Variants in LYN observed in about 807,000 individuals in gnomAD.
LYN encodes the protein LYN proto-oncogene, Src family tyrosine kinase.
A neutral mutation model predicts 65.0 loss-of-function variants in LYN; 12 were observed. The ratio of observed to expected loss-of-function variants is 0.18; its 90% CI spans 0.12 to 0.30. LYN has a LOEUF of 0.30. Ranked by LOEUF, LYN falls within the 10% of genes least tolerant of loss-of-function variation. The pLI, the probability that LYN is intolerant of heterozygous loss-of-function variation, is 1.00. For synonymous variants in LYN, 222 were observed against 221.2 expected, an observed-to-expected ratio of 1.00 and a Z score of -0.03; for missense variants, 380 against 623.2, an observed-to-expected ratio of 0.61 and a Z score of 4.16.
chr8:55,885,902 G>C (rs1804777588), intron 1 of LYN, among the ~76,000 whole-genome samples: 1 of 138,172 alleles, frequency 7.2e-6, no homozygotes, highest in African/African-American at 2.6e-5. Context: ...TTTCCTCGGG[G>C]TTCTTTCTAC....
chr8:55,947,550 C>CT, intron 3 of LYN, 68 bp from the exon 4 acceptor site: 1 of 1,078,934 alleles, frequency 9.3e-7, no homozygotes, highest in African/African-American at 1.6e-5. Flanking sequence ...TCCTTTGTGC[C>CT]CCATGAGGTT....
intron 1 of LYN, chr8:55,902,594 T>C: frequency 3.4e-6 from 1 of 296,296 alleles, no homozygotes; most frequent in Non-Finnish European, 6.5e-6. Flanking sequence ...TCAATCAATA[T>C]ATAGCATACA....
chr8:55,937,694 T>C (rs1476031685), intron 1 of LYN, among the ~76,000 whole-genome samples: 1 of 152,134 alleles, frequency 6.6e-6, no homozygotes, highest in African/African-American at 2.4e-5. Context: ...AGTTTTGTTT[T>C]GTTTTGTTTT....
chr8:56,000,115 G>A (rs57095067), intron 12 of LYN, among the ~76,000 whole-genome samples: 3,675 of 152,144 alleles, frequency 0.024, 173 homozygotes, highest in African/African-American at 0.085. Context: ...AGAATGTTCC[G>A]GGCATGGTTG....
chr8:55,911,135 A>G (rs1183475059), intron 1 of LYN, among the ~76,000 whole-genome samples: 1 of 33,212 alleles, frequency 3.0e-5, no homozygotes, highest in African/African-American at 2.1e-4. Context: ...ATACACATAC[A>G]TATATATACG....
intron 8 of LYN, 32 bp from the exon 9 acceptor site, chr8:55,966,683 T>C (rs1040662090): frequency 2.5e-6 from 4 of 1,600,194 alleles, no homozygotes; most frequent in African/African-American, 1.3e-5. Flanking sequence ...TTCTGTTTTA[T>C]AAAGCATGCC....
intron 12 of LYN, 148 bp from the exon 13 acceptor site, chr8:56,009,759 AT>A (rs1245503794): frequency 3.1e-6 from 2 of 639,388 alleles, no homozygotes; most frequent in Non-Finnish European, 5.4e-6. Context: ...TTTTGGGAGG[AT>A]GCTGTTCAAC....
At chr8:55,993,595 A>G (rs1266487425) in intron 10 of LYN, among the ~76,000 whole-genome samples, 2 of 152,188 alleles carry the variant, frequency 1.3e-5, no homozygotes, top group Non-Finnish European at 2.9e-5. Flanking sequence ...AATTTCTCAA[A>G]GCCTCATTTG....
At chr8:55,981,249 C>A (rs1166903973) in intron 10 of LYN, among the ~76,000 whole-genome samples, 2 of 152,224 alleles carry the variant, frequency 1.3e-5, no homozygotes, top group Non-Finnish European at 2.9e-5. Context: ...CTCCTGCTTA[C>A]TCCATTCTCC....
intron 1 of LYN, among the ~76,000 whole-genome samples, chr8:55,919,441 T>C (rs571205396): frequency 7.9e-5 from 12 of 152,318 alleles, no homozygotes; most frequent in Admixed American, 5.9e-4. Flanking sequence ...AGAATACGCT[T>C]CACTGCCGGG....
At chr8:55,956,365 C>T (rs1356780800) in intron 8 of LYN, among the ~76,000 whole-genome samples, 1 of 152,134 alleles carries the variant, frequency 6.6e-6, no homozygotes, top group African/African-American at 2.4e-5. Flanking sequence ...TGTTTAAGCA[C>T]CTAAGCAGTA....
chr8:55,881,960 T>C (rs1804664027), intron 1 of LYN, among the ~76,000 whole-genome samples: 1 of 152,158 alleles, frequency 6.6e-6, no homozygotes, highest in South Asian at 2.1e-4. Flanking sequence ...ACTGAGGACA[T>C]AGGGAGATGA....
intron 1 of LYN, among the ~76,000 whole-genome samples, chr8:55,905,160 C>G (rs989944105): frequency 6.6e-6 from 1 of 152,206 alleles, no homozygotes; most frequent in Admixed American, 6.5e-5. Flanking sequence ...CCTGTCATCC[C>G]AGCACTTTGG....
intron 1 of LYN, among the ~76,000 whole-genome samples, chr8:55,886,227 T>C (rs1804787327): frequency 6.6e-6 from 1 of 150,610 alleles, no homozygotes. Context: ...GATAGAACAG[T>C]GGCTGTCAAA....
intron 1 of LYN, among the ~76,000 whole-genome samples, chr8:55,935,554 A>G (rs1806405410): frequency 6.6e-6 from 1 of 152,078 alleles, no homozygotes; most frequent in Non-Finnish European, 1.5e-5. Flanking sequence ...CGGGTGTATC[A>G]CCTGAGATCA....
chr8:55,972,937 C>T (rs894593787), intron 10 of LYN, among the ~76,000 whole-genome samples: 11 of 152,190 alleles, frequency 7.2e-5, no homozygotes, highest in African/African-American at 2.4e-4. Context: ...CTTCCATAAC[C>T]GTTGTCAATA....
At chr8:55,900,895 G>A (rs1004590899) in intron 1 of LYN, among the ~76,000 whole-genome samples, 7 of 151,942 alleles carry the variant, frequency 4.6e-5, no homozygotes, top group Admixed American at 2.0e-4. Flanking sequence ...CAAAATCTTA[G>A]ACATTGAAAA....
intron 4 of LYN, among the ~76,000 whole-genome samples, chr8:55,947,980 AT>A (rs112748159): frequency 4.6e-4 from 69 of 149,660 alleles, no homozygotes; most frequent in South Asian, 1.3e-3. Context: ...CTTTAAAACA[AT>A]TTTTTTTTTT....
At chr8:55,909,357 G>A (rs1805534653) in intron 1 of LYN, among the ~76,000 whole-genome samples, 2 of 152,138 alleles carry the variant, frequency 1.3e-5, no homozygotes, top group South Asian at 4.1e-4. Context: ...GCCATCCAGG[G>A]CCAACAAGGC....
Sources: gnomAD v4.1 joint callset for allele counts (sites outside exome capture counted in the v4.1 genomes callset) on GRCh38, gnomAD v4.1.1 for gene constraint, MANE v1.5 for transcripts, NCBI Gene and HGNC (gene_info 2026-07-23, HGNC 2026-07-21) for gene names.